Variants in ITSN1 observed in about 807,000 individuals in gnomAD.
The protein encoded by ITSN1 is intersectin-1.
In ITSN1, 58 loss-of-function variants were observed where a neutral mutation model predicts 239.8. The observed-to-expected ratio is 0.24, with a 90% CI of 0.20 to 0.30. The LOEUF is 0.30. Ranked by LOEUF, ITSN1 falls within the 10% of genes least tolerant of loss-of-function variation. ITSN1 has a pLI of 1.00. For synonymous variants in ITSN1, 780 were observed against 770.8 expected (o/e 1.01, Z -0.20); for missense variants, 1,558 against 2,103.3 (o/e 0.74, Z 5.07).
intron 20 of ITSN1, among the ~76,000 whole-genome samples, chr21:33,807,102 G>GATT (rs1303026438): frequency 1.3e-5 from 2 of 152,160 alleles, no homozygotes; most frequent in Non-Finnish European, 2.9e-5. Flanking sequence ...TAAGCTAATT[G>GATT]AGACTATTGT....
At chr21:33,818,513 A>G (rs1353164383) in intron 23 of ITSN1, 41 bp downstream of exon 23, 1 of 1,492,752 alleles carries the variant, frequency 6.7e-7, no homozygotes, top group Non-Finnish European at 9.3e-7. Flanking sequence ...TGAAAACAAT[A>G]TTAGGCGTTA....
Position 33,882,156 on chromosome 21 carries a change from G to A in ITSN1, c.4342-87G>A. On this transcript the variant is annotated intron_variant, in intron 34 of 39. Transcript: ENST00000381318. This position sits in a 1 kb window ranked among gnomAD's most constrained non-coding sequence, Gnocchi z 4.5. ...TTGCCTGAGATCCGAGTCTGCTGGG[G>A]CCTGGCCTCTGATTCTGATGGAGCC... The A allele has an allele frequency of 8.7e-7, 1 of 1,149,392 alleles. No individual in the cohort carries two copies. The highest frequency in any genetic ancestry group is 1.3e-6 in the Non-Finnish European group (1 of 798,896). The allele number at this position is 1,149,392 out of a possible 1,614,324, so 71.2% of individuals were successfully genotyped here. A position where few individuals can be genotyped will look rare whatever the true frequency, so the allele number is the denominator to read the frequency against.
At chr21:33,820,136 TAAA>T (rs879562955) in intron 24 of ITSN1, among the ~76,000 whole-genome samples, 1 of 146,146 alleles carries the variant, frequency 6.8e-6, no homozygotes, top group African/African-American at 2.5e-5. Flanking sequence ...AATTTAGGAC[TAAA>T]AAAAAAAAAA....
At chr21:33,661,418 C>A (rs930253211) in intron 1 of ITSN1, among the ~76,000 whole-genome samples, 2 of 151,946 alleles carry the variant, frequency 1.3e-5, no homozygotes, top group African/African-American at 4.8e-5. Flanking sequence ...TCATCAAAGA[C>A]ATCCTGTTGT....
chr21:33,843,617 C>T (rs545486143), intron 29 of ITSN1, among the ~76,000 whole-genome samples: 4 of 152,194 alleles, frequency 2.6e-5, no homozygotes, highest in Non-Finnish European at 4.4e-5. Flanking sequence ...CCATTTCTCT[C>T]ATCATTTTGG....
intron 1 of ITSN1, among the ~76,000 whole-genome samples, chr21:33,665,299 C>T (rs971018509): frequency 6.6e-6 from 1 of 151,790 alleles, no homozygotes; most frequent in African/African-American, 2.4e-5. Flanking sequence ...TGCAAGATAA[C>T]GTCATTAAAA....
intron 1 of ITSN1, among the ~76,000 whole-genome samples, chr21:33,695,240 G>C (rs1250790052): frequency 6.6e-6 from 1 of 152,198 alleles, no homozygotes; most frequent in Non-Finnish European, 1.5e-5. Context: ...TCAGATATCT[G>C]TATTAAACTT....
intron 14 of ITSN1, among the ~76,000 whole-genome samples, chr21:33,780,777 CA>C (rs2070103755): frequency 2.6e-5 from 4 of 152,136 alleles, no homozygotes; most frequent in African/African-American, 9.7e-5. Context: ...AGAAACTATA[CA>C]GGATATTTTC....
chr21:33,767,360 G>A (rs2068797657), intron 10 of ITSN1, among the ~76,000 whole-genome samples: 1 of 152,156 alleles, frequency 6.6e-6, no homozygotes, highest in Middle Eastern at 3.2e-3. Context: ...TCTTCCCTTG[G>A]AGGAATTTAA....
chr21:33,709,501 C>T (rs866008901), intron 1 of ITSN1, among the ~76,000 whole-genome samples: 3 of 152,074 alleles, frequency 2.0e-5, no homozygotes, highest in South Asian at 4.1e-4. Flanking sequence ...AGGCTGGTCT[C>T]GAACTCCTGT....
intron 1 of ITSN1, among the ~76,000 whole-genome samples, chr21:33,647,074 GTATT>G (rs930744384): frequency 2.0e-5 from 3 of 152,006 alleles, no homozygotes; most frequent in African/African-American, 7.2e-5. Flanking sequence ...AACATTGAAA[GTATT>G]TAATAAGCTA....
intron 26 of ITSN1, among the ~76,000 whole-genome samples, chr21:33,828,004 A>T (rs1170748599): frequency 3.3e-5 from 5 of 152,200 alleles, no homozygotes; most frequent in Admixed American, 1.3e-4. Flanking sequence ...AATACAGTGG[A>T]TGGAGATACA....
At chr21:33,741,745 A>T (rs200239203) in intron 5 of ITSN1, among the ~76,000 whole-genome samples, 1 of 106,996 alleles carries the variant, frequency 9.3e-6, no homozygotes, top group Non-Finnish European at 2.0e-5. Flanking sequence ...ACAAAAAAAA[A>T]TTAACCAAGC....
intron 34 of ITSN1, among the ~76,000 whole-genome samples, chr21:33,880,801 T>C (rs777421324): frequency 3.3e-5 from 5 of 152,108 alleles, no homozygotes; most frequent in Non-Finnish European, 7.4e-5. Context: ...CGTGAGGGGC[T>C]GGCCTCGGAC....
At position 33,782,853 on chromosome 21, in the gene ITSN1, G is replaced by T. The variant is rs548212482; in HGVS notation, c.1824+720G>T. ...ATCCTGGCTAACACGGTGAAACCCC[G>T]TCTCTACTAAAAATACAAAAAATTA... is the stretch of plus-strand genomic sequence containing the variant. On this transcript the variant is annotated intron_variant, in intron 16 of 39. Transcript: ENST00000381318. Among the ~76,000 whole-genome samples, 4 of 151,838 alleles carry T rather than the reference G, an allele frequency of 2.6e-5. No individual in the cohort carries two copies. The South Asian group carries it at 8.3e-4, about 32-fold the overall frequency.
At chr21:33,884,877 T>G (rs1345542004) in intron 36 of ITSN1, among the ~76,000 whole-genome samples, 164 bp from the exon 37 acceptor site, 1 of 152,200 alleles carries the variant, frequency 6.6e-6, no homozygotes, top group East Asian at 1.9e-4. Flanking sequence ...ATGGCAGGAA[T>G]AAGTATTAGC....
chr21:33,776,547 A>G (rs1288283232), intron 14 of ITSN1, among the ~76,000 whole-genome samples: 24 of 148,320 alleles, frequency 1.6e-4, no homozygotes, highest in Admixed American at 1.6e-3. Flanking sequence ...CCCTGTTCAA[A>G]AAAAAAAAAA....
chr21:33,803,932 C>G (rs1159807029), intron 20 of ITSN1, among the ~76,000 whole-genome samples: 2 of 152,166 alleles, frequency 1.3e-5, no homozygotes, highest in Non-Finnish European at 2.9e-5. Flanking sequence ...TGTGATACTC[C>G]AGGTGCCATT....
chr21:33,740,113 G>A (rs139194002), intron 5 of ITSN1, among the ~76,000 whole-genome samples: 43 of 152,316 alleles, frequency 2.8e-4, no homozygotes, highest in African/African-American at 1.0e-3. Context: ...TGGTATAAGT[G>A]TATACTGAGA....
Sources: gnomAD v4.1 joint callset for allele counts (sites outside exome capture counted in the v4.1 genomes callset) on GRCh38, gnomAD v4.1.1 for gene constraint, Gnocchi (gnomAD v3.1) non-coding constraint, MANE v1.5 for transcripts, NCBI Gene and HGNC (gene_info 2026-07-23, HGNC 2026-07-21) for gene names.